The following SCARB1 variants were observed in gnomAD, a reference collection of about 807,000 sequenced individuals.
SCARB1 encodes scavenger receptor class B member 1.
A neutral mutation model predicts 57.2 loss-of-function variants in SCARB1; 30 were observed. The observed-to-expected ratio is 0.52, with a 90% CI of 0.39 to 0.71. The LOEUF (loss-of-function observed/expected upper bound fraction) is 0.71. Ranked by LOEUF, SCARB1 falls within the 30% of genes least tolerant of loss-of-function variation. The pLI, the probability that SCARB1 is intolerant of heterozygous loss-of-function variation, is 0.00. For synonymous variants in SCARB1, 249 were observed against 268.3 expected, an observed-to-expected ratio of 0.93 and a Z score of 0.70; for missense variants, 543 against 671.2, an observed-to-expected ratio of 0.81 and a Z score of 2.11.
chr12:124,800,275 A>G lies in SCARB1; in HGVS notation c.1010-33T>C. The stretch of plus-strand genomic sequence containing the variant: ...AGGGGCAGGGAGGGGACATCAGACA[A>G]GGACAGTATATTGGCAGGTCCTGCC... On this transcript the variant is annotated intron_variant, in intron 7 of 12. Coordinates refer to ENST00000261693, the MANE Select transcript of SCARB1 (RefSeq NM_005505.5). The surrounding 1 kb of genome is among the most constrained non-coding windows in gnomAD (Gnocchi z 4.8). 6.6e-7 allele frequency: 1 copy of G among 1,523,368 alleles called. No individual in the cohort carries two copies. Among genetic ancestry groups the G allele is most frequent in the South Asian group, 1.1e-5 (1 of 88,866 alleles). The allele number at this position is 1,523,368 out of a possible 1,614,324, so 94.4% of individuals were successfully genotyped here. A position where few individuals can be genotyped will look rare whatever the true frequency, so the allele number is the denominator to read the frequency against.
intron 11 of SCARB1, 85 bp from the exon 12 acceptor site, chr12:124,782,896 A>G (rs1183365613): frequency 2.1e-6 from 3 of 1,414,818 alleles, no homozygotes; most frequent in Non-Finnish European, 3.0e-6. Context: ...GCAAAAGGCA[A>G]AGAGGAAACA....
At position 124,810,604 on chromosome 12, in the gene SCARB1, C is replaced by T. The variant is rs931076816; in HGVS notation, c.727-315G>A. Among the ~76,000 whole-genome samples the T allele has an allele frequency of 3.9e-5, 6 of 152,286 alleles. No homozygotes were observed. The highest frequency in any genetic ancestry group is 2.1e-4 in the South Asian group (1 of 4,822). ...AGCAGGTGAGGTGAGAGGTGGGGCGCGGCTGTGCTCAGCCCTCAGAGCGGA... is the reference window on the plus strand; with the variant it reads ...AGCAGGTGAGGTGAGAGGTGGGGCGTGGCTGTGCTCAGCCCTCAGAGCGGA... On this transcript the variant is annotated intron_variant, in intron 5 of 12. Transcript: ENST00000261693. This position sits in a 1 kb window ranked among gnomAD's most constrained non-coding sequence, Gnocchi z 4.0.
At chr12:124,799,500 C>A (rs574409448) in intron 8 of SCARB1, among the ~76,000 whole-genome samples, 1 of 152,284 alleles carries the variant, frequency 6.6e-6, no homozygotes, top group Admixed American at 6.5e-5. Flanking sequence ...GCACCCCAGC[C>A]TGGGCAACCG....
At chr12:124,804,617 A>G (rs1950260155) in intron 7 of SCARB1, among the ~76,000 whole-genome samples, 2 of 152,224 alleles carry the variant, frequency 1.3e-5, no homozygotes, top group African/African-American at 4.8e-5. Context: ...GCAGAGGCCA[A>G]TGCCCAGACG....
Position 124,810,413 on chromosome 12 carries a change from C to T in SCARB1, c.727-124G>A, listed in dbSNP as rs192840602. 1.8e-3 allele frequency: 1,257 copies of T among 717,266 alleles called. 2 individuals carry two copies. The highest frequency in any genetic ancestry group is 6.1e-3 in the Middle Eastern group (24 of 3,908). The allele number at this position is 717,266 out of a possible 1,614,324, so 44.4% of individuals were successfully genotyped here. Reference sequence around the variant, plus strand: ...GGCCACTCAATTCCCAATACTGGCACGGTGGGAAGAGGGCAGGCTATGTAG... The same window carrying T: ...GGCCACTCAATTCCCAATACTGGCATGGTGGGAAGAGGGCAGGCTATGTAG... On this transcript the variant is annotated intron_variant, in intron 5 of 12. Coordinates refer to ENST00000261693, the MANE Select transcript of SCARB1 (RefSeq NM_005505.5). The surrounding 1 kb of genome is among the most constrained non-coding windows in gnomAD (Gnocchi z 4.0).
chr12:124,846,017 AAAAGAAAG>A (rs148552664), intron 1 of SCARB1, among the ~76,000 whole-genome samples: 6 of 152,038 alleles, frequency 3.9e-5, no homozygotes, highest in Non-Finnish European at 8.8e-5. Context: ...GTCTCAAAAA[AAAAGAAAG>A]AAAGAAAGAA....
At chr12:124,855,849 G>A (rs61941688) in intron 1 of SCARB1, among the ~76,000 whole-genome samples, 1,719 of 152,300 alleles carry the variant, frequency 0.011, 24 homozygotes, top group Non-Finnish European at 0.016. Context: ...GAACCTCCAT[G>A]CAGGACCCAC....
At position 124,800,763 on chromosome 12, in the gene SCARB1, GGAGT is replaced by G. The variant is rs1356966947; in HGVS notation, c.1010-525_1010-522del. On this transcript the variant is annotated intron_variant, in intron 7 of 12. Transcript: ENST00000261693. This position sits in a 1 kb window ranked among gnomAD's most constrained non-coding sequence, Gnocchi z 4.8. The stretch of plus-strand genomic sequence containing the variant: ...GTGGCCAGATCTCCCTGCATCCACA[GGAGT>G]GTGTCCCTGTAGACACACCTGCTAC... Among the ~76,000 whole-genome samples, 1 of 152,186 alleles carries G rather than the reference GGAGT, an allele frequency of 6.6e-6. No homozygotes were observed. Among genetic ancestry groups the G allele is most frequent in the African/African-American group, 2.4e-5 (1 of 41,438 alleles).
chr12:124,780,885 C>T (rs1184569199), intron 12 of SCARB1, among the ~76,000 whole-genome samples: 1 of 152,204 alleles, frequency 6.6e-6, no homozygotes, highest in Non-Finnish European at 1.5e-5. Context: ...CACCCCTGCA[C>T]CCTGGGAATC....
At position 124,786,348 on chromosome 12, in the gene SCARB1, A is replaced by C. The variant is rs772899668; in HGVS notation, c.1401+9T>G. The C allele has an allele frequency of 1.5e-5, 24 of 1,613,488 alleles. No homozygotes were observed. Among genetic ancestry groups the C allele is most frequent in the Non-Finnish European group, 2.0e-5 (24 of 1,180,026 alleles). The stretch of plus-strand genomic sequence containing the variant: ...TGTCAGCCCGGGCTGCCCTCTGGCC[A>C]GCACCTACTTGGCTCCGGATTTGGC... On this transcript the variant is annotated intron_variant, in intron 11 of 12. Transcript: ENST00000261693.
chr12:124,858,418 C>T (rs909676064), intron 1 of SCARB1, among the ~76,000 whole-genome samples: 1 of 152,138 alleles, frequency 6.6e-6, no homozygotes, highest in Non-Finnish European at 1.5e-5. Context: ...CCAATCCTAC[C>T]CACTGGCAGA....
chr12:124,823,815 C>G (rs6416293), intron 1 of SCARB1, among the ~76,000 whole-genome samples: 150,723 of 152,258 alleles, frequency 0.99, 74,625 homozygotes, highest in East Asian at 1. Flanking sequence ...TGGGTTGGCT[C>G]TTTACTACTG....
At chr12:124,829,121 G>C (rs1228381013) in intron 1 of SCARB1, among the ~76,000 whole-genome samples, 2 of 152,206 alleles carry the variant, frequency 1.3e-5, no homozygotes, top group Non-Finnish European at 2.9e-5. Context: ...AAAATAAAAG[G>C]TTTTTACAAG....
At chr12:124,826,817 A>T (rs1951180697) in intron 1 of SCARB1, among the ~76,000 whole-genome samples, 1 of 152,158 alleles carries the variant, frequency 6.6e-6, no homozygotes, top group Non-Finnish European at 1.5e-5. Context: ...TAAAGAAAGA[A>T]ACAATTGACA....
rs370182570 is a variant in SCARB1, at chr12:124,817,573, C to T, written c.261G>A (p.Arg87=). The change falls in exon 2 of 13, where the codon CGG becomes CGA. Residue 87 remains arginine (R), a synonymous_variant. Coordinates refer to ENST00000261693, the MANE Select transcript of SCARB1 (RefSeq NM_005505.5). This position sits in a 1 kb window ranked among gnomAD's most constrained non-coding sequence, Gnocchi z 4.8. ...ACCTGTACACGTAGGGCCCGCGCTC[C>T]CGCACCTGCGGCTTCTCGCCCTTCA... ...EILKGEKPQV[R]ERGPYVYREF... 49 of 1,614,044 alleles carry T rather than the reference C, an allele frequency of 3.0e-5. No individual in the cohort carries two copies. The highest frequency in any genetic ancestry group is 4.1e-5 in the Non-Finnish European group (48 of 1,180,038).
At chr12:124,840,092 C>T (rs1489592780) in intron 1 of SCARB1, 1 of 1,274,860 alleles carries the variant, frequency 7.8e-7, no homozygotes, top group African/African-American at 1.5e-5. Flanking sequence ...AGTGACCATC[C>T]TAATGGGTAT....
At chr12:124,793,254 G>A (rs752691877) in intron 9 of SCARB1, among the ~76,000 whole-genome samples, 1 of 152,004 alleles carries the variant, frequency 6.6e-6, no homozygotes, top group Non-Finnish European at 1.5e-5. Context: ...TTTTTTTAAC[G>A]AAACTATTTC....
intron 1 of SCARB1, among the ~76,000 whole-genome samples, chr12:124,828,965 G>C (rs1001622906): frequency 1.3e-5 from 2 of 152,104 alleles, no homozygotes; most frequent in Non-Finnish European, 2.9e-5. Context: ...TCAATCCCAG[G>C]GCTCCAGGCA....
rs567646170 is a variant in SCARB1, at chr12:124,814,855, C to T, written c.426+118G>A. 12 of 1,330,340 alleles carry T rather than the reference C, an allele frequency of 9.0e-6. No homozygotes were observed. Among genetic ancestry groups the T allele is most frequent in the Admixed American group, 5.7e-5 (3 of 52,374 alleles). 82.4% of individuals were successfully genotyped at this position (1,330,340 alleles called of 1,614,324 possible). A position where few individuals can be genotyped will look rare whatever the true frequency, so the allele number is the denominator to read the frequency against. On this transcript the variant is annotated intron_variant, in intron 3 of 12. Coordinates refer to ENST00000261693, the MANE Select transcript of SCARB1 (RefSeq NM_005505.5). This position sits in a 1 kb window ranked among gnomAD's most constrained non-coding sequence, Gnocchi z 4.7. ...ACAGGGCCGAAAGCCACCCACCAGG[C>T]GTGAGTCCCCACGCTCCGACCACCT...
Sources: gnomAD v4.1 joint callset for allele counts (sites outside exome capture counted in the v4.1 genomes callset) on GRCh38, gnomAD v4.1.1 for gene constraint, Gnocchi (gnomAD v3.1) non-coding constraint, MANE v1.5 for transcripts, NCBI Gene and HGNC (gene_info 2026-07-23, HGNC 2026-07-21) for gene names.